The following PLXDC2 variants were observed in gnomAD, a reference collection of about 807,000 sequenced individuals.
PLXDC2 encodes plexin domain containing 2, also known as plexin domain-containing protein 2.
Under a neutral mutation model 68.9 loss-of-function variants are expected in PLXDC2, and 40 were observed. The ratio of observed to expected loss-of-function variants is 0.58; its 90% CI spans 0.45 to 0.76. The LOEUF is 0.76. Among genes scored for constraint, PLXDC2 ranks in the 30% least tolerant of loss-of-function variants. The pLI is 0.00. For synonymous variants in PLXDC2, 243 were observed against 234.2 expected (o/e 1.04, Z -0.34); for missense variants, 644 against 661.9 (o/e 0.97, Z 0.30).
intron 1 of PLXDC2, among the ~76,000 whole-genome samples, chr10:19,879,654 AG>A (rs1186913765): frequency 6.6e-6 from 1 of 152,212 alleles, no homozygotes; most frequent in Non-Finnish European, 1.5e-5. Flanking sequence ...CACATGAACA[AG>A]AAAATGCAGT....
At chr10:20,010,342 T>C (rs995626741) in intron 2 of PLXDC2, among the ~76,000 whole-genome samples, 67 of 152,226 alleles carry the variant, frequency 4.4e-4, no homozygotes, top group African/African-American at 1.6e-3. Context: ...TTTTAGCATA[T>C]TGATGAGGGC....
chr10:20,194,655 C>T (rs1039927470), intron 9 of PLXDC2, among the ~76,000 whole-genome samples: 1 of 151,358 alleles, frequency 6.6e-6, no homozygotes, highest in East Asian at 1.9e-4. Flanking sequence ...ATATATTATA[C>T]TTTAAGTTCT....
intron 10 of PLXDC2, among the ~76,000 whole-genome samples, chr10:20,216,210 C>A (rs983569989): frequency 8.6e-5 from 13 of 152,026 alleles, no homozygotes; most frequent in African/African-American, 3.1e-4. Context: ...AAATCATTTT[C>A]TTAGGCTTTC....
At chr10:20,015,829 G>A (rs549104055) in intron 2 of PLXDC2, among the ~76,000 whole-genome samples, 17 of 152,168 alleles carry the variant, frequency 1.1e-4, no homozygotes, top group South Asian at 6.2e-4. Flanking sequence ...ATAAATCCCC[G>A]TGAGCCTTGT....
chr10:19,854,244 A>T (rs759330894), intron 1 of PLXDC2, among the ~76,000 whole-genome samples: 6 of 152,240 alleles, frequency 3.9e-5, no homozygotes, highest in Non-Finnish European at 8.8e-5. Context: ...AACTGTGTTT[A>T]GGACAGTCTC....
At chr10:19,821,938 A>G (rs1405085100) in intron 1 of PLXDC2, among the ~76,000 whole-genome samples, 1 of 151,868 alleles carries the variant, frequency 6.6e-6, no homozygotes, top group Non-Finnish European at 1.5e-5. Flanking sequence ...CTTTGTTTTC[A>G]TTTTTAATAA....
At chr10:20,241,515 A>G (rs1170815677) in intron 12 of PLXDC2, among the ~76,000 whole-genome samples, 2 of 152,178 alleles carry the variant, frequency 1.3e-5, no homozygotes, top group African/African-American at 2.4e-5. Context: ...ACCAGGTGCA[A>G]TGGCACATGT....
rs1191613913 is a variant in PLXDC2, at chr10:20,230,693, C to CAAAAAAAAAAAAAAAAAAAAAAA, written c.1312+11612_1312+11613insAAAAAAAAAAAAAAAAAAAAAAA. 1.3e-4 allele frequency among the ~76,000 whole-genome samples: 5 copies of CAAAAAAAAAAAAAAAAAAAAAAA among 37,798 alleles called. 2 individuals are homozygous for CAAAAAAAAAAAAAAAAAAAAAAA. The highest frequency in any genetic ancestry group is 2.5e-4 in the Non-Finnish European group (5 of 19,848). The allele number at this position is 37,798 out of a possible 152,430, so 24.8% of individuals were successfully genotyped here. On this transcript the variant is annotated intron_variant, in intron 12 of 13. Transcript: ENST00000377252. Reference sequence around the variant, plus strand: ...TGGGCTACAGAGTGAGACCTTGTCTCAAAAAAAAAAAAAAAAAAAAACAGG... The same window carrying CAAAAAAAAAAAAAAAAAAAAAAA: ...TGGGCTACAGAGTGAGACCTTGTCTCAAAAAAAAAAAAAAAAAAAAAAAAAAAAAAAAAAAAAAAAAAAACAGG...
chr10:20,089,250 G>T (rs1445074655), intron 4 of PLXDC2, among the ~76,000 whole-genome samples: 1 of 151,190 alleles, frequency 6.6e-6, no homozygotes, highest in Admixed American at 6.6e-5. Flanking sequence ...CAAAGGCTTT[G>T]CAAGCTCAAA....
At chr10:20,123,576 G>A (rs1833729155) in intron 4 of PLXDC2, among the ~76,000 whole-genome samples, 1 of 152,036 alleles carries the variant, frequency 6.6e-6, no homozygotes, top group Admixed American at 6.6e-5. Flanking sequence ...AGTTGAAGAG[G>A]TTTTAAGTTC....
chr10:20,206,123 A>G (rs1204743986), intron 9 of PLXDC2, among the ~76,000 whole-genome samples: 7 of 152,140 alleles, frequency 4.6e-5, no homozygotes, highest in Non-Finnish European at 7.3e-5. Flanking sequence ...TCATAATATC[A>G]CACTGTACCT....
At chr10:19,966,013 T>C (rs1834241840) in intron 1 of PLXDC2, among the ~76,000 whole-genome samples, 1 of 151,940 alleles carries the variant, frequency 6.6e-6, no homozygotes, top group Non-Finnish European at 1.5e-5. Context: ...TAGGGAAGAC[T>C]AGGAAGTGCT....
chr10:20,145,842 C>T (rs1009734154), intron 5 of PLXDC2, among the ~76,000 whole-genome samples: 1 of 152,072 alleles, frequency 6.6e-6, no homozygotes, highest in African/African-American at 2.4e-5. Flanking sequence ...TGTGAGCCAC[C>T]GCACCTGGTC....
intron 1 of PLXDC2, among the ~76,000 whole-genome samples, chr10:19,859,446 T>C (rs1435895159): frequency 6.6e-6 from 1 of 152,208 alleles, no homozygotes; most frequent in Non-Finnish European, 1.5e-5. Context: ...TGGTGCTACA[T>C]ATTATTTTCA....
intron 1 of PLXDC2, among the ~76,000 whole-genome samples, chr10:19,830,679 T>A (rs1301876698): frequency 8.0e-6 from 1 of 124,790 alleles, no homozygotes; most frequent in Non-Finnish European, 1.7e-5. Context: ...GCAGAGTGTA[T>A]CTTCACCCCT....
At chr10:20,246,095 G>C (rs368867044) in intron 13 of PLXDC2, among the ~76,000 whole-genome samples, 29 of 152,328 alleles carry the variant, frequency 1.9e-4, no homozygotes, top group African/African-American at 6.3e-4. Flanking sequence ...CACACACTCA[G>C]ACACACAATG....
At chr10:20,020,870 A>C (rs12784668) in intron 2 of PLXDC2, among the ~76,000 whole-genome samples, 9,931 of 152,242 alleles carry the variant, frequency 0.065, 391 homozygotes, top group Middle Eastern at 0.13. Context: ...ATAGTGTCCT[A>C]AGAGCTCTGA....
intron 1 of PLXDC2, among the ~76,000 whole-genome samples, chr10:19,889,548 A>G (rs1239898089): frequency 6.6e-6 from 1 of 152,210 alleles, no homozygotes; most frequent in Non-Finnish European, 1.5e-5. Flanking sequence ...GACCACAAGT[A>G]TGCTAGGGTT....
At chr10:20,051,472 G>A (rs1229193730) in intron 3 of PLXDC2, among the ~76,000 whole-genome samples, 2 of 141,550 alleles carry the variant, frequency 1.4e-5, no homozygotes, top group Admixed American at 1.5e-4. Context: ...TGTATCTCAA[G>A]ATGCAATATA....
Sources: gnomAD v4.1 joint callset for allele counts (sites outside exome capture counted in the v4.1 genomes callset) on GRCh38, gnomAD v4.1.1 for gene constraint, MANE v1.5 for transcripts, NCBI Gene and HGNC (gene_info 2026-07-23, HGNC 2026-07-21) for gene names.